Variants in CSMD1 observed in about 807,000 individuals in gnomAD.
CSMD1 encodes the protein CUB and Sushi multiple domains 1.
CSMD1 carries 213 observed loss-of-function variants against 417.5 expected under a neutral mutation model. The observed-to-expected ratio is 0.51, with a 90% CI of 0.46 to 0.57. The LOEUF is 0.57. CSMD1 is among the 20% of genes least tolerant of loss of function. CSMD1 has a pLI of 0.00. For missense variants in CSMD1, 6,923 were observed against 4,529.7 expected (o/e 1.53, Z -15.17); for synonymous variants, 2,862 against 1,736.8 (o/e 1.65, Z -16.11).
At chr8:4,212,222 T>A (rs1319781308) in intron 3 of CSMD1, among the ~76,000 whole-genome samples, 1 of 151,062 alleles carries the variant, frequency 6.6e-6, no homozygotes, top group African/African-American at 2.4e-5. Flanking sequence ...TGTTTTAACT[T>A]ATTATACCTT....
chr8:4,100,430 C>T (rs1216671127), intron 3 of CSMD1, among the ~76,000 whole-genome samples: 1 of 152,180 alleles, frequency 6.6e-6, no homozygotes, highest in Non-Finnish European at 1.5e-5. Context: ...CCGTTCAAAG[C>T]AGAATCAAAT....
intron 3 of CSMD1, among the ~76,000 whole-genome samples, chr8:4,341,417 G>C (rs1800471411): frequency 6.6e-6 from 1 of 152,092 alleles, no homozygotes; most frequent in African/African-American, 2.4e-5. Flanking sequence ...AAAATGTAGA[G>C]GAAAATGTTT....
chr8:3,481,303 C>A (rs1817738140), intron 11 of CSMD1, among the ~76,000 whole-genome samples: 1 of 151,724 alleles, frequency 6.6e-6, no homozygotes, highest in South Asian at 2.1e-4. Context: ...CAAGAGGAAT[C>A]TATACAATAT....
intron 1 of CSMD1, among the ~76,000 whole-genome samples, chr8:4,666,490 T>G (rs563346786): frequency 2.0e-5 from 3 of 152,094 alleles, no homozygotes; most frequent in African/African-American, 7.2e-5. Context: ...AAAAGGTGAA[T>G]TTTTACTAAG....
chr8:4,178,157 T>C (rs368732126), intron 3 of CSMD1, among the ~76,000 whole-genome samples: 2 of 152,170 alleles, frequency 1.3e-5, no homozygotes, highest in South Asian at 4.1e-4. Flanking sequence ...ATATCCTTGA[T>C]GCAGATTGAT....
intron 5 of CSMD1, among the ~76,000 whole-genome samples, chr8:3,761,183 G>C (rs917876691): frequency 1.3e-5 from 2 of 151,978 alleles, no homozygotes; most frequent in African/African-American, 4.8e-5. Context: ...TTGGACATTA[G>C]GAAAAGCGAC....
intron 1 of CSMD1, among the ~76,000 whole-genome samples, chr8:4,909,804 C>A (rs1805540634): frequency 6.6e-6 from 1 of 152,154 alleles, no homozygotes; most frequent in Non-Finnish European, 1.5e-5. Context: ...TCTGTGGACC[C>A]ACCTGTCCTT....
intron 1 of CSMD1, among the ~76,000 whole-genome samples, chr8:4,983,630 C>G (rs529030981): frequency 6.6e-6 from 1 of 152,294 alleles, no homozygotes; most frequent in East Asian, 1.9e-4. Context: ...TCAAGCGATT[C>G]TCCTGCCTCA....
At chr8:3,292,076 C>T (rs1206210597) in intron 25 of CSMD1, among the ~76,000 whole-genome samples, 1 of 152,026 alleles carries the variant, frequency 6.6e-6, no homozygotes, top group Non-Finnish European at 1.5e-5. Flanking sequence ...GCCTTCATTT[C>T]ATTATTTACT....
At chr8:4,075,093 A>G (rs1224252636) in intron 3 of CSMD1, among the ~76,000 whole-genome samples, 1 of 152,206 alleles carries the variant, frequency 6.6e-6, no homozygotes, top group Non-Finnish European at 1.5e-5. Context: ...CAGTATTATT[A>G]GACAAAGAAC....
intron 29 of CSMD1, among the ~76,000 whole-genome samples, chr8:3,218,331 G>T (rs1797999868): frequency 6.6e-6 from 1 of 152,128 alleles, no homozygotes; most frequent in Non-Finnish European, 1.5e-5. Flanking sequence ...GGAGGCCGAG[G>T]TGGGAGGATC....
intron 1 of CSMD1, among the ~76,000 whole-genome samples, chr8:4,905,025 A>T (rs1033796809): frequency 7.2e-5 from 11 of 152,190 alleles, no homozygotes; most frequent in Admixed American, 5.9e-4. Flanking sequence ...GTGACAGTAG[A>T]AATTAAAAAT....
At chr8:4,123,213 A>G (rs1394168534) in intron 3 of CSMD1, among the ~76,000 whole-genome samples, 1 of 152,214 alleles carries the variant, frequency 6.6e-6, no homozygotes, top group African/African-American at 2.4e-5. Context: ...AATTCCTTAG[A>G]GCCAAGTTCA....
chr8:4,421,522 T>A (rs1797247224), intron 2 of CSMD1, among the ~76,000 whole-genome samples: 1 of 151,938 alleles, frequency 6.6e-6, no homozygotes. Flanking sequence ...TAGAAATCAG[T>A]AAGATAAAAA....
At chr8:3,322,024 G>A (rs1293267272) in intron 23 of CSMD1, among the ~76,000 whole-genome samples, 1 of 152,126 alleles carries the variant, frequency 6.6e-6, no homozygotes, top group African/African-American at 2.4e-5. Context: ...TATCAGTGTG[G>A]AAATGTGTGG....
At chr8:4,588,641 CGGGCG>C (rs1563313266) in intron 2 of CSMD1, among the ~76,000 whole-genome samples, 1 of 151,866 alleles carries the variant, frequency 6.6e-6, no homozygotes, top group East Asian at 2.0e-4. Context: ...AAAAATTAGC[CGGGCG>C]TGGTGGCGGG....
intron 3 of CSMD1, among the ~76,000 whole-genome samples, chr8:4,099,250 T>G (rs1225591635): frequency 6.6e-6 from 1 of 151,596 alleles, no homozygotes; most frequent in African/African-American, 2.4e-5. Flanking sequence ...CCTCTTCAAG[T>G]GTCTTTCTTT....
chr8:3,444,012 C>G (rs957085559), intron 12 of CSMD1, among the ~76,000 whole-genome samples: 1 of 152,044 alleles, frequency 6.6e-6, no homozygotes, highest in African/African-American at 2.4e-5. Flanking sequence ...GAGAAAAAAC[C>G]TTGCAGTGCT....
intron 5 of CSMD1, among the ~76,000 whole-genome samples, chr8:3,836,344 G>A (rs1802700555): frequency 6.6e-6 from 1 of 152,150 alleles, no homozygotes; most frequent in African/African-American, 2.4e-5. Context: ...AAAGATCTAT[G>A]AGGAACTAGC....
Sources: allele counts gnomAD v4.1 joint callset (sites outside exome capture counted in the v4.1 genomes callset), GRCh38; gene constraint gnomAD v4.1.1; transcripts MANE v1.5; gene names NCBI Gene and HGNC (gene_info 2026-07-23, HGNC 2026-07-21).